The following PDE11A variants were observed in gnomAD, a reference collection of about 807,000 sequenced individuals.
The protein encoded by PDE11A is phosphodiesterase 11A.
Under a neutral mutation model 100.5 loss-of-function variants are expected in PDE11A, and 100 were observed. The ratio of observed to expected loss-of-function variants is 1.00; its 90% CI spans 0.85 to 1.18. The LOEUF is 1.18. Ranked by LOEUF, PDE11A falls within the 50% of genes most tolerant of loss-of-function variation. PDE11A has a pLI of 0.00. For missense variants in PDE11A, 1,141 were observed against 1,152.6 expected (o/e 0.99, Z 0.15); for synonymous variants, 381 against 420.8 (o/e 0.91, Z 1.16).
chr2:177,778,702 C>A (rs1254695788), intron 9 of PDE11A, among the ~76,000 whole-genome samples: 3 of 152,292 alleles, frequency 2.0e-5, no homozygotes, highest in Admixed American at 2.0e-4. Flanking sequence ...ACAGAAGTGT[C>A]ATCTAACTAT....
chr2:177,699,209 T>C (rs901231487), intron 14 of PDE11A, among the ~76,000 whole-genome samples: 1 of 152,228 alleles, frequency 6.6e-6, no homozygotes, highest in African/African-American at 2.4e-5. Context: ...TGGGATAGCC[T>C]ATTGCTTCTA....
intron 18 of PDE11A, among the ~76,000 whole-genome samples, chr2:177,667,646 C>A (rs961626865): frequency 1.3e-5 from 2 of 152,158 alleles, no homozygotes; most frequent in Admixed American, 1.3e-4. Flanking sequence ...CAGCATTTTG[C>A]ATCTCATAAA....
At chr2:177,972,273 A>T (rs1434212467) in intron 2 of PDE11A, among the ~76,000 whole-genome samples, 4 of 152,244 alleles carry the variant, frequency 2.6e-5, no homozygotes, top group Non-Finnish European at 5.9e-5. Flanking sequence ...GAATGGTCCA[A>T]GAGACAGGAA....
At chr2:178,076,447 T>C (rs1177138759), upstream of PDE11A, among the ~76,000 whole-genome samples, 1 of 152,224 alleles carries the variant, frequency 6.6e-6, no homozygotes, top group African/African-American at 2.4e-5. Context: ...CTTCTAGTAC[T>C]ATGCTTTCCA....
intron 2 of PDE11A, among the ~76,000 whole-genome samples, chr2:177,933,492 T>G (rs1031897384): frequency 2.6e-5 from 4 of 151,888 alleles, no homozygotes; most frequent in African/African-American, 9.7e-5. Context: ...ACCAGCTTGA[T>G]CAATATGGTG....
intron 4 of PDE11A, among the ~76,000 whole-genome samples, chr2:177,876,683 C>G (rs1274170878): frequency 6.8e-6 from 1 of 147,750 alleles, no homozygotes; most frequent in Non-Finnish European, 1.5e-5. Context: ...GAAACTAACC[C>G]CTAATTTTTA....
intron 5 of PDE11A, among the ~76,000 whole-genome samples, chr2:177,848,148 A>G (rs1342433419): frequency 2.0e-5 from 3 of 152,166 alleles, no homozygotes; most frequent in Non-Finnish European, 2.9e-5. Flanking sequence ...TTTTAAAGCA[A>G]GTCATTTGTC....
intron 18 of PDE11A, among the ~76,000 whole-genome samples, chr2:177,666,989 C>T (rs970903779): frequency 6.6e-6 from 1 of 151,454 alleles, no homozygotes; most frequent in African/African-American, 2.4e-5. Flanking sequence ...ACAACCTGGG[C>T]TCACTGCAAC....
At chr2:177,725,530 T>C (rs1290704941) in intron 12 of PDE11A, among the ~76,000 whole-genome samples, 4 of 152,130 alleles carry the variant, frequency 2.6e-5, no homozygotes, top group African/African-American at 9.7e-5. Flanking sequence ...AGTCTCCTCT[T>C]TCTGTGTTAG....
chr2:177,788,233 C>A (rs926674144), intron 9 of PDE11A, among the ~76,000 whole-genome samples: 26 of 151,080 alleles, frequency 1.7e-4, no homozygotes, highest in Middle Eastern at 3.4e-3. Flanking sequence ...GATTAAGAAA[C>A]TCACTCAAAA....
intron 1 of PDE11A, among the ~76,000 whole-genome samples, chr2:178,067,659 T>C (rs982175773): frequency 6.6e-6 from 1 of 152,210 alleles, no homozygotes; most frequent in African/African-American, 2.4e-5. Context: ...GACTCCATAC[T>C]TGTCCAAGAC....
chr2:177,840,975 G>C (rs2083482417), intron 5 of PDE11A, among the ~76,000 whole-genome samples: 1 of 152,080 alleles, frequency 6.6e-6, no homozygotes, highest in Admixed American at 6.5e-5. Flanking sequence ...TTTAGATTAT[G>C]TTTCTTAACA....
intron 2 of PDE11A, among the ~76,000 whole-genome samples, chr2:177,954,353 A>G (rs187743015): frequency 6.6e-6 from 1 of 152,292 alleles, no homozygotes; most frequent in African/African-American, 2.4e-5. Context: ...TCCTCCATAA[A>G]AGAGCCCAAG....
chr2:177,731,162 A>G (rs1300576847), intron 10 of PDE11A, among the ~76,000 whole-genome samples: 1 of 152,140 alleles, frequency 6.6e-6, no homozygotes, highest in African/African-American at 2.4e-5. Context: ...CATATACCAC[A>G]TTTTTGTTCC....
rs150179881 is a variant in PDE11A at position 177,919,384 on chromosome 2, A to G, written c.1072-14197T>C. Among the ~76,000 whole-genome samples the G allele has an allele frequency of 6.3e-3, 954 of 152,302 alleles. 9 individuals carry two copies. The highest frequency in any genetic ancestry group is 0.016 in the Admixed American group (249 of 15,288). On this transcript the variant is annotated intron_variant, in intron 2 of 19. Coordinates refer to ENST00000286063, the MANE Select transcript of PDE11A (RefSeq NM_016953.4). ...AGTGTTGGGATTACATATGTGAGCCACTGCGCCTGGCCAGAAGATTTGATA... is the reference window on the plus strand; with the variant it reads ...AGTGTTGGGATTACATATGTGAGCCGCTGCGCCTGGCCAGAAGATTTGATA...
chr2:177,805,268 C>T (rs113331302), intron 9 of PDE11A, among the ~76,000 whole-genome samples: 8 of 151,976 alleles, frequency 5.3e-5, no homozygotes, highest in African/African-American at 1.9e-4. Context: ...GCTCTTATGG[C>T]ATCCTGTATT....
chr2:177,776,684 G>T (rs1018273951), intron 9 of PDE11A, among the ~76,000 whole-genome samples: 1 of 152,106 alleles, frequency 6.6e-6, no homozygotes, highest in Non-Finnish European at 1.5e-5. Flanking sequence ...TATGACTGGG[G>T]TCCTTACAAG....
At chr2:177,969,494 T>G (rs986256085) in intron 2 of PDE11A, among the ~76,000 whole-genome samples, 9 of 152,176 alleles carry the variant, frequency 5.9e-5, no homozygotes, top group African/African-American at 1.7e-4. Flanking sequence ...AATGTTGATA[T>G]AAACACTCAG....
Position 177,890,079 on chromosome 2 carries a change from A to T in PDE11A, c.1302+7979T>A, listed in dbSNP as rs191211722. 3.2e-3 allele frequency among the ~76,000 whole-genome samples: 491 copies of T among 152,280 alleles called. 1 individual carries two copies. The highest frequency in any genetic ancestry group is 5.6e-3 in the Non-Finnish European group (382 of 68,018). ...TGTCTTTGAGTGTGTTCTCACCAAC[A>T]CTGCTCTGAGCAGCCATTTCAGCTT... On this transcript the variant is annotated intron_variant, in intron 4 of 19. Coordinates refer to ENST00000286063, the MANE Select transcript of PDE11A (RefSeq NM_016953.4).
Sources: allele counts gnomAD v4.1 joint callset (sites outside exome capture counted in the v4.1 genomes callset), GRCh38; gene constraint gnomAD v4.1.1; transcripts MANE v1.5; gene names NCBI Gene and HGNC (gene_info 2026-07-23, HGNC 2026-07-21).